The following ARHGAP44 variants were observed in gnomAD, a reference collection of about 807,000 sequenced individuals.
The protein encoded by ARHGAP44 is rho GTPase-activating protein 44.
In ARHGAP44, 43 loss-of-function variants were observed where a neutral mutation model predicts 106.8. The observed-to-expected ratio is 0.40, with a 90% confidence interval of 0.32 to 0.52. The LOEUF (loss-of-function observed/expected upper bound fraction) is 0.52, where lower values mean the gene tolerates loss of function less well. Ranked by LOEUF, ARHGAP44 falls within the 20% of genes least tolerant of loss-of-function variation. ARHGAP44 has a pLI of 0.48. For missense variants in ARHGAP44, 866 were observed against 1,050.5 expected, an observed-to-expected ratio of 0.82 and a Z score of 2.43; for synonymous variants, 439 against 410.3, an observed-to-expected ratio of 1.07 and a Z score of -0.85.
intron 5 of ARHGAP44, among the ~76,000 whole-genome samples, chr17:12,917,944 ACT>A (rs1379913569): frequency 1.3e-5 from 2 of 151,966 alleles, no homozygotes; most frequent in East Asian, 3.9e-4. Flanking sequence ...ATCCCCTGAC[ACT>A]CTCTCTGGGA....
chr17:12,835,626 T>G (rs974855564), intron 1 of ARHGAP44, among the ~76,000 whole-genome samples: 3 of 149,272 alleles, frequency 2.0e-5, no homozygotes, highest in Non-Finnish European at 4.4e-5. Flanking sequence ...GGTAATTTTA[T>G]TTAATTAAAA....
At chr17:12,939,718 G>A (rs1026088920) in intron 7 of ARHGAP44, among the ~76,000 whole-genome samples, 7 of 152,194 alleles carry the variant, frequency 4.6e-5, no homozygotes, top group African/African-American at 1.4e-4. Flanking sequence ...CACCTGCCTC[G>A]GCCTCCCAAA....
chr17:12,976,747 T>A (rs1001749383), intron 18 of ARHGAP44, among the ~76,000 whole-genome samples: 1 of 151,986 alleles, frequency 6.6e-6, no homozygotes. Context: ...TGACTTCAAC[T>A]CAGAGGATGC....
At chr17:12,894,241 A>AGAGT (rs72496069) in intron 1 of ARHGAP44, among the ~76,000 whole-genome samples, 7,331 of 147,986 alleles carry the variant, frequency 0.05, 221 homozygotes, top group Admixed American at 0.082. Context: ...AGAGAGAGAG[A>AGAGT]GTGTGTGTGT....
chr17:12,806,870 G>A (rs2034290996), intron 1 of ARHGAP44, among the ~76,000 whole-genome samples: 1 of 152,146 alleles, frequency 6.6e-6, no homozygotes, highest in Non-Finnish European at 1.5e-5. Context: ...AGTGGTTCAG[G>A]GCTCTGTTGA....
At chr17:12,798,257 G>A (rs2033984231) in intron 1 of ARHGAP44, among the ~76,000 whole-genome samples, 1 of 151,832 alleles carries the variant, frequency 6.6e-6, no homozygotes, top group Non-Finnish European at 1.5e-5. Flanking sequence ...GCAATATGTG[G>A]GCATTCATGT....
rs1045270952 is a variant in ARHGAP44, at chr17:12,790,118, G to A, written c.53+227G>A. The A allele has an allele frequency of 6.0e-6, 3 of 497,360 alleles. No individual in the cohort carries two copies. In the African/African-American group the frequency reaches 6.1e-5, roughly 10 times the overall value. The allele number at this position is 497,360 out of a possible 1,614,324, so 30.8% of individuals were successfully genotyped here. On this transcript the variant is annotated intron_variant, in intron 1 of 20. Coordinates refer to ENST00000379672, the MANE Select transcript of ARHGAP44 (RefSeq NM_014859.6). ...TTCTGCTCCGGGCTCCGGTTGCCAA[G>A]CGCAAAGTGTGACGCATCCTTTACC...
intron 2 of ARHGAP44, 133 bp downstream of exon 2, chr17:12,895,112 A>G: frequency 2.7e-6 from 2 of 750,530 alleles, no homozygotes; most frequent in Non-Finnish European, 4.3e-6. Flanking sequence ...GCCTGGCGAT[A>G]CAGCGAGACT....
intron 1 of ARHGAP44, among the ~76,000 whole-genome samples, chr17:12,830,493 T>C (rs2035053723): frequency 6.6e-6 from 1 of 152,160 alleles, no homozygotes; most frequent in Admixed American, 6.5e-5. Context: ...GGCTCAAACT[T>C]CTTATCATAG....
chr17:12,920,999 G>A (rs2038067728), intron 6 of ARHGAP44, among the ~76,000 whole-genome samples: 1 of 152,142 alleles, frequency 6.6e-6, no homozygotes, highest in Non-Finnish European at 1.5e-5. Flanking sequence ...GTATTAATAT[G>A]GAAAGAACTA....
intron 1 of ARHGAP44, among the ~76,000 whole-genome samples, chr17:12,890,420 G>A (rs1013353408): frequency 6.6e-6 from 1 of 152,196 alleles, no homozygotes. Context: ...CTGGAGAGCA[G>A]CAGCCCAGAC....
At chr17:12,895,034 G>T in intron 2 of ARHGAP44, 55 bp downstream of exon 2, 1 of 1,535,000 alleles carries the variant, frequency 6.5e-7, no homozygotes, top group South Asian at 1.2e-5. Context: ...GGGAGGCTGA[G>T]GCAGGAGAAT....
At chr17:12,976,674 G>A (rs186591425) in intron 18 of ARHGAP44, among the ~76,000 whole-genome samples, 2 of 152,178 alleles carry the variant, frequency 1.3e-5, no homozygotes, top group African/African-American at 2.4e-5. Flanking sequence ...AGGGACAGGG[G>A]GTTAGATAGT....
intron 1 of ARHGAP44, among the ~76,000 whole-genome samples, chr17:12,840,899 A>G (rs1223818483): frequency 6.6e-6 from 1 of 152,160 alleles, no homozygotes; most frequent in African/African-American, 2.4e-5. Flanking sequence ...GTTTGTGCAC[A>G]GTGGTACCCT....
At chr17:12,915,840 A>G (rs765512533) in intron 4 of ARHGAP44, 60 bp from the exon 5 acceptor site, 11 of 1,431,852 alleles carry the variant, frequency 7.7e-6, no homozygotes, top group Non-Finnish European at 9.7e-6. Context: ...AGGGGAGGGT[A>G]ACGCCAGTGA....
intron 20 of ARHGAP44, among the ~76,000 whole-genome samples, chr17:12,989,114 AAAAAAAAAAAACT>A (rs1400309970): frequency 6.7e-6 from 1 of 148,486 alleles, no homozygotes; most frequent in Admixed American, 6.7e-5. Flanking sequence ...AAAAAAAAAA[AAAAAAAAAAAACT>A]AAGCAGGCGG....
chr17:12,807,863 C>G (rs1487967657), intron 1 of ARHGAP44, among the ~76,000 whole-genome samples: 2 of 152,204 alleles, frequency 1.3e-5, no homozygotes, highest in Non-Finnish European at 1.5e-5. Context: ...AAAGTCTCAT[C>G]TGAGACAAGG....
chr17:12,815,260 T>G (rs754836039), intron 1 of ARHGAP44, among the ~76,000 whole-genome samples: 1 of 152,180 alleles, frequency 6.6e-6, no homozygotes, highest in African/African-American at 2.4e-5. Flanking sequence ...GCATTTAGAA[T>G]GTACAATCTC....
Position 12,830,833 on chromosome 17 carries a change from C to T in ARHGAP44, c.53+40942C>T, listed in dbSNP as rs79013474. Among the ~76,000 whole-genome samples, 1,274 of 152,256 alleles carry T rather than the reference C, an allele frequency of 8.4e-3. 4 individuals carry two copies. Among genetic ancestry groups the T allele is most frequent in the Non-Finnish European group, 0.013 (911 of 68,018 alleles). Reference sequence around the variant, plus strand: ...ACACAATGATTAATTTACACACAAGCTTAGCTTGTATCCCTTAGCAACACT... The same window carrying T: ...ACACAATGATTAATTTACACACAAGTTTAGCTTGTATCCCTTAGCAACACT... On this transcript the variant is annotated intron_variant, in intron 1 of 20. Transcript: ENST00000379672.
Sources: gnomAD v4.1 joint callset for allele counts (sites outside exome capture counted in the v4.1 genomes callset) on GRCh38, gnomAD v4.1.1 for gene constraint, MANE v1.5 for transcripts, NCBI Gene and HGNC (gene_info 2026-07-23, HGNC 2026-07-21) for gene names.